The following MMP12 variants were observed in gnomAD, a reference collection of about 807,000 sequenced individuals.
MMP12 encodes the protein macrophage metalloelastase.
MMP12 carries 51 observed loss-of-function variants against 45.2 expected under a neutral mutation model. The observed-to-expected ratio is 1.13, with a 90% CI of 0.90 to 1.42. The LOEUF (loss-of-function observed/expected upper bound fraction) is 1.42. MMP12 is among the 40% of genes most tolerant of loss of function. The pLI is 0.00. For synonymous variants in MMP12, 210 were observed against 193.3 expected, an observed-to-expected ratio of 1.09 and a Z score of -0.72; for missense variants, 530 against 570.8, an observed-to-expected ratio of 0.93 and a Z score of 0.73.
chr11:102,863,692 C>A (rs1555008123), intron 9 of MMP12, among the ~76,000 whole-genome samples: 1 of 152,146 alleles, frequency 6.6e-6, no homozygotes. Context: ...ACATACGATA[C>A]AAACTCAAGC....
At chr11:102,874,313 G>A (rs1859555991) in intron 1 of MMP12, among the ~76,000 whole-genome samples, 1 of 152,160 alleles carries the variant, frequency 6.6e-6, no homozygotes, top group South Asian at 2.1e-4. Flanking sequence ...TTGGGAGGCT[G>A]AGGCGGGGGA....
chr11:102,871,439 A>G (rs1555009289), intron 4 of MMP12, among the ~76,000 whole-genome samples, 155 bp downstream of exon 4: 4 of 152,174 alleles, frequency 2.6e-5, no homozygotes, highest in African/African-American at 9.7e-5. Context: ...TTTGATTTAG[A>G]GGCAAAATTA....
At chr11:102,869,355 G>A (rs1555009078) in intron 4 of MMP12, among the ~76,000 whole-genome samples, 1 of 152,070 alleles carries the variant, frequency 6.6e-6, no homozygotes, top group East Asian at 1.9e-4. Context: ...GCAAGACTGG[G>A]AAGAGTAAGC....
intron 1 of MMP12, among the ~76,000 whole-genome samples, chr11:102,874,584 G>A (rs1350480299): frequency 6.6e-6 from 1 of 152,058 alleles, no homozygotes; most frequent in African/African-American, 2.4e-5. Flanking sequence ...AAATTTCTTG[G>A]CCAAAGGTTT....
At chr11:102,868,452 T>C (rs1483379329) in intron 4 of MMP12, among the ~76,000 whole-genome samples, 2 of 152,220 alleles carry the variant, frequency 1.3e-5, no homozygotes, top group African/African-American at 2.4e-5. Flanking sequence ...AACTCACAGC[T>C]GCGTTCAACA....
intron 8 of MMP12, among the ~76,000 whole-genome samples, chr11:102,864,855 C>G (rs782497026): frequency 6.6e-6 from 1 of 152,152 alleles, no homozygotes; most frequent in Non-Finnish European, 1.5e-5. Context: ...ATTTGGTTCT[C>G]TAAGTATTTA....
rs28381690 is a variant in MMP12, at chr11:102,865,116, G to GAT, written c.1205+658_1205+659dup. On this transcript the variant is annotated intron_variant, in intron 8 of 9. Transcript: ENST00000571244. This position sits in a 1 kb window ranked among gnomAD's most constrained non-coding sequence, Gnocchi z 4.1. ...AGCATCCGGTATTCAATTGGAATTA[G>GAT]ATATTGTGTTTTAAATGCTTAAGAA... Among the ~76,000 whole-genome samples, 13,649 of 152,250 alleles carry GAT rather than the reference G, an allele frequency of 0.09. 886 individuals are homozygous for GAT. The highest frequency in any genetic ancestry group is 0.13 in the Middle Eastern group (39 of 294).
At chr11:102,868,190 T>G in intron 4 of MMP12, 121 bp from the exon 5 acceptor site, 1 of 900,684 alleles carries the variant, frequency 1.1e-6, no homozygotes, top group East Asian at 2.6e-5. Flanking sequence ...TTTACCCTTT[T>G]GAGTTGGGTT....
chr11:102,874,505 T>A (rs1002420340), intron 1 of MMP12, among the ~76,000 whole-genome samples: 1 of 152,220 alleles, frequency 6.6e-6, no homozygotes. Context: ...AGATCTCAGA[T>A]TATTAACTGG....
chr11:102,867,764 A>G, intron 5 of MMP12, 144 bp downstream of exon 5: 1 of 839,534 alleles, frequency 1.2e-6, no homozygotes, highest in African/African-American at 1.7e-5. Context: ...TAATGAAGAT[A>G]ATACCTGTGT....
intron 8 of MMP12, 87 bp from the exon 9 acceptor site, chr11:102,864,339 T>A: frequency 1.2e-6 from 1 of 858,612 alleles, no homozygotes; most frequent in Non-Finnish European, 1.9e-6. Flanking sequence ...ACTGAAGAGC[T>A]CTTCCCCAAA....
In MMP12 at chr11:102,864,224, G is replaced by C. The variant is rs1859343671; in HGVS notation, c.1234C>G (p.Pro412Ala). ...RYDERRQMMDPGYPKLITKNF... is the reference protein window; with the variant it reads ...RYDERRQMMDAGYPKLITKNF... ...TTGGTAATCAGTTTGGGATAACCAG[G>C]GTCCATCATCTGTCTCCTTTCATCA... The change falls in exon 9 of 10, where the codon CCT (proline) becomes GCT (alanine). Residue 412 changes from proline (P) to alanine (A), a missense_variant. Pro to Ala is a conservative substitution (Grantham distance 27). Coordinates refer to ENST00000571244, the MANE Select transcript of MMP12 (RefSeq NM_002426.6). The C allele has an allele frequency of 1.2e-6, 2 of 1,613,514 alleles. No homozygotes were observed. Among genetic ancestry groups the C allele is most frequent in the South Asian group, 1.1e-5 (1 of 91,056 alleles).
At position 102,874,873 on chromosome 11, in the gene MMP12, G is replaced by A. The variant is rs1555009876; in HGVS notation, c.65C>T (p.Ser22Phe). The A allele has an allele frequency of 7.5e-6, 12 of 1,607,264 alleles. No homozygotes were observed. Among genetic ancestry groups the A allele is most frequent in the Non-Finnish European group, 1.0e-5 (12 of 1,176,666 alleles). ...TASGALPLNSSTSLEKNNVLF... is the reference protein window; with the variant it reads ...TASGALPLNSFTSLEKNNVLF... ...CACATTATTTTTTTCCAGGCTTGTA[G>A]AGCTGTTCAGGGGAAGAGCTCCAGA... is the stretch of plus-strand genomic sequence containing the variant. Residue 22 changes from serine to phenylalanine, a missense_variant, in exon 1 of 10, where the codon TCT (serine) becomes TTT (phenylalanine). Transcript: ENST00000571244.
Position 102,863,122 on chromosome 11 carries a change from C to A in MMP12, c.1391G>T (p.Ser464Ile). Residue 464 changes from serine to isoleucine, a missense_variant, in exon 10 of 10, where the codon AGC becomes ATC. Physicochemically the swap from Ser to Ile is moderately radical, Grantham distance 142 (BLOSUM62 -2). Transcript: ENST00000571244. Reference protein sequence around the residue: ...LLQRITKTLKSNSWFGC With the variant: ...LLQRITKTLKINSWFGC ...TTTCTAACAACCAAACCAGCTATTG[C>A]TTTTCAGTGTTTTGGTGATACGTTG... 1 of 1,609,858 alleles carries A rather than the reference C, an allele frequency of 6.2e-7. No homozygotes were observed. The highest frequency in any genetic ancestry group is 1.1e-5 in the South Asian group (1 of 90,380).
intron 9 of MMP12, 121 bp downstream of exon 9, chr11:102,864,025 C>T: frequency 2.7e-6 from 2 of 731,860 alleles, no homozygotes; most frequent in Non-Finnish European, 4.6e-6. Flanking sequence ...TTCCTTGCGG[C>T]CCTATGGGGA....
rs376236984 is a variant in MMP12, at chr11:102,865,875, T to G, written c.1106A>C (p.His369Pro). 2 of 1,612,998 alleles carry G rather than the reference T, an allele frequency of 1.2e-6. No individual in the cohort carries two copies. The highest frequency in any genetic ancestry group is 1.3e-5 in the African/African-American group (1 of 74,892). Residue 369 changes from histidine (H) to proline (P), a missense_variant, in exon 8 of 10, where the codon CAT becomes CCT. Physicochemically the swap from His to Pro is moderately conservative, Grantham distance 77. Coordinates refer to ENST00000571244, the MANE Select transcript of MMP12 (RefSeq NM_002426.6). This position sits in a 1 kb window ranked among gnomAD's most constrained non-coding sequence, Gnocchi z 4.1. ...CACAAAGTTAGGAAAACCAAAAGAATGTATGCTCTTGGGATAATTTGGCTC... is the reference window on the plus strand; with the variant it reads ...CACAAAGTTAGGAAAACCAAAAGAAGGTATGCTCTTGGGATAATTTGGCTC... ...RPEPNYPKSI[H>P]SFGFPNFVKK...
intron 4 of MMP12, among the ~76,000 whole-genome samples, chr11:102,870,410 T>C (rs782068892): frequency 1.3e-5 from 2 of 152,234 alleles, no homozygotes; most frequent in Admixed American, 6.5e-5. Context: ...TTAGGCTATG[T>C]GTTAGACTAA....
Position 102,867,284 on chromosome 11 carries a change from A to G in MMP12, c.897T>C (p.Phe299=), listed in dbSNP as rs201781425. 1.0e-4 allele frequency: 166 copies of G among 1,599,598 alleles called. No individual in the cohort carries two copies. The highest frequency in any genetic ancestry group is 1.3e-4 in the Non-Finnish European group (150 of 1,173,538). The change falls in exon 6 of 10, where the codon TTT becomes TTC. Residue 299 remains phenylalanine, a synonymous_variant. Transcript: ENST00000571244. ...DAVTTVGNKI[F]FFKDRFFWLK... Reference sequence around the variant, plus strand: ...AATGATCCTACCTGTCTTTGAAGAAAAAGATCTTATTTCCCACGGTAGTGA... The same window carrying G: ...AATGATCCTACCTGTCTTTGAAGAAGAAGATCTTATTTCCCACGGTAGTGA...
rs1565235106 is a variant in MMP12 at position 102,872,849 on chromosome 11, C to T, written c.350+16G>A. Reference sequence around the variant, plus strand: ...GGGAAAGTAGAAAAATACAGGGCGACATACACCAACGTTACCTGTAGGTGA... The same window carrying T: ...GGGAAAGTAGAAAAATACAGGGCGATATACACCAACGTTACCTGTAGGTGA... On this transcript the variant is annotated intron_variant, in intron 2 of 9. Transcript: ENST00000571244. The T allele has an allele frequency of 6.2e-7, 1 of 1,612,670 alleles. No homozygotes were observed.
Sources: gnomAD v4.1 joint callset for allele counts (sites outside exome capture counted in the v4.1 genomes callset) on GRCh38, gnomAD v4.1.1 for gene constraint, Gnocchi (gnomAD v3.1) non-coding constraint, MANE v1.5 for transcripts, NCBI Gene and HGNC (gene_info 2026-07-23, HGNC 2026-07-21) for gene names.